GREB1L: variants seen among roughly 807,000 people sequenced by gnomAD.
GREB1L encodes the protein GREB1-like protein.
A neutral mutation model predicts 200.8 loss-of-function variants in GREB1L; 17 were observed. The ratio of observed to expected loss-of-function variants is 0.08; its 90% CI spans 0.06 to 0.13. The LOEUF is 0.13. GREB1L is among the 10% of genes least tolerant of loss of function. The pLI is 1.00. For missense variants in GREB1L, 1,657 were observed against 2,367.7 expected (o/e 0.70, Z 6.23); for synonymous variants, 789 against 893.0 (o/e 0.88, Z 2.08).
chr18:21,454,242 G>A (rs1192233646), intron 14 of GREB1L, 124 bp from the exon 15 acceptor site: 3 of 664,220 alleles, frequency 4.5e-6, no homozygotes, highest in African/African-American at 3.6e-5. Flanking sequence ...CAAATAGCAG[G>A]TGAGAATTCG....
At chr18:21,489,735 G>C (rs971644534) in intron 18 of GREB1L, among the ~76,000 whole-genome samples, 1 of 152,190 alleles carries the variant, frequency 6.6e-6, no homozygotes, top group African/African-American at 2.4e-5. Flanking sequence ...GCTGCTGCTG[G>C]TGGTCTGTAG....
chr18:21,292,510 C>T (rs1004589747), intron 1 of GREB1L, among the ~76,000 whole-genome samples: 1 of 152,190 alleles, frequency 6.6e-6, no homozygotes, highest in Non-Finnish European at 1.5e-5. Context: ...CGTTAGCTAT[C>T]GCTTCTCACT....
chr18:21,420,816 A>G (rs763413301), intron 7 of GREB1L, among the ~76,000 whole-genome samples: 1 of 152,242 alleles, frequency 6.6e-6, no homozygotes, highest in Non-Finnish European at 1.5e-5. Context: ...AATAAAATCC[A>G]TACAAACACT....
At chr18:21,403,619 C>T (rs1411800758) in intron 6 of GREB1L, among the ~76,000 whole-genome samples, 1 of 152,134 alleles carries the variant, frequency 6.6e-6, no homozygotes, top group Non-Finnish European at 1.5e-5. Context: ...AGTATTTTTC[C>T]TCTGGGAACT....
intron 1 of GREB1L, among the ~76,000 whole-genome samples, chr18:21,333,965 G>A (rs1208668476): frequency 3.3e-5 from 5 of 151,004 alleles, no homozygotes; most frequent in Admixed American, 1.3e-4. Context: ...CTTGGTGACC[G>A]ACTGACGAAG....
intron 31 of GREB1L, among the ~76,000 whole-genome samples, chr18:21,520,072 G>C (rs993189560): frequency 1.3e-5 from 2 of 152,042 alleles, no homozygotes; most frequent in African/African-American, 4.8e-5. Flanking sequence ...GAGTAGCTGG[G>C]ATTACAGGTG....
chr18:21,349,675 G>A (rs756341725), intron 1 of GREB1L, among the ~76,000 whole-genome samples: 9 of 151,870 alleles, frequency 5.9e-5, no homozygotes, highest in African/African-American at 1.2e-4. Context: ...GATCTAGGTC[G>A]CATGCTCCTT....
chr18:21,347,284 A>G (rs528655038), intron 1 of GREB1L, among the ~76,000 whole-genome samples: 29 of 151,808 alleles, frequency 1.9e-4, no homozygotes, highest in African/African-American at 7.0e-4. Context: ...GTCTCAAAAA[A>G]AAAAAACAAA....
At chr18:21,470,911 C>T (rs1265410264) in intron 15 of GREB1L, among the ~76,000 whole-genome samples, 3 of 151,990 alleles carry the variant, frequency 2.0e-5, no homozygotes, top group African/African-American at 4.8e-5. Flanking sequence ...AAAATAAAAG[C>T]AAGTCTATAA....
intron 1 of GREB1L, among the ~76,000 whole-genome samples, chr18:21,279,045 T>A (rs572993083): frequency 7.9e-5 from 12 of 152,176 alleles, no homozygotes; most frequent in African/African-American, 2.4e-4. Context: ...AGTAAAAAAA[T>A]CATTAAGACA....
In GREB1L at chr18:21,400,058, G is replaced by A. The variant is rs574387440; in HGVS notation, c.533-1092G>A. 1.2e-4 allele frequency among the ~76,000 whole-genome samples: 18 copies of A among 151,488 alleles called. No individual in the cohort carries two copies. In the South Asian group the frequency reaches 1.5e-3, roughly 12 times the overall value. ...ACATATAGAAATATTGCCTTTATAC[G>A]ATATGGAATGCCCTTTCTTATTACA... is the stretch of plus-strand genomic sequence containing the variant. On this transcript the variant is annotated intron_variant, in intron 5 of 32. Transcript: ENST00000424526.
At chr18:21,309,193 C>CT (rs1405214796) in intron 1 of GREB1L, among the ~76,000 whole-genome samples, 1 of 152,234 alleles carries the variant, frequency 6.6e-6, no homozygotes, top group African/African-American at 2.4e-5. Flanking sequence ...ACTCTTAAGG[C>CT]TGTTGGCCAC....
intron 1 of GREB1L, among the ~76,000 whole-genome samples, chr18:21,328,951 G>A (rs2039065540): frequency 6.6e-6 from 1 of 152,158 alleles, no homozygotes; most frequent in African/African-American, 2.4e-5. Flanking sequence ...ACACACCCTT[G>A]AAATGTGGGG....
chr18:21,362,659 A>G (rs2039597306), intron 1 of GREB1L, among the ~76,000 whole-genome samples: 1 of 152,202 alleles, frequency 6.6e-6, no homozygotes, highest in Admixed American at 6.5e-5. Context: ...AATCTCCATA[A>G]TTGGCATTGA....
intron 7 of GREB1L, among the ~76,000 whole-genome samples, chr18:21,409,075 A>T (rs1041060211): frequency 4.6e-5 from 7 of 152,204 alleles, no homozygotes; most frequent in East Asian, 1.9e-4. Context: ...TTGCATGCAG[A>T]TGTTCATAGC....
intron 1 of GREB1L, among the ~76,000 whole-genome samples, chr18:21,295,170 G>C (rs1192059113): frequency 1.3e-5 from 2 of 152,132 alleles, no homozygotes; most frequent in African/African-American, 4.8e-5. Flanking sequence ...ATCCTAAAAT[G>C]GGGTGGTTAG....
At chr18:21,337,204 T>C (rs572661744) in intron 1 of GREB1L, among the ~76,000 whole-genome samples, 1 of 152,356 alleles carries the variant, frequency 6.6e-6, no homozygotes, top group South Asian at 2.1e-4. Context: ...GAATCCCTTT[T>C]TCTTCAGATC....
At position 21,520,754 on chromosome 18, in the gene GREB1L, A is replaced by G. The variant is rs2037577994; in HGVS notation, c.5539A>G (p.Ser1847Gly). The change falls in exon 32 of 33, where the codon AGT (serine) becomes GGT (glycine). Residue 1847 changes from serine to glycine, a missense_variant. By Grantham distance (56) the Ser-to-Gly change is moderately conservative. Transcript: ENST00000424526. ...SNVNCEGVFF[S>G]GLLLYLCDSF... is the part of the protein sequence containing the mutation. Reference sequence around the variant, plus strand: ...TGTCAACTGTGAAGGGGTGTTTTTCAGTGGACTCCTTTTGTACCTCTGTGA... The same window carrying G: ...TGTCAACTGTGAAGGGGTGTTTTTCGGTGGACTCCTTTTGTACCTCTGTGA... 6.5e-7 allele frequency: 1 copy of G among 1,549,152 alleles called. No individual in the cohort carries two copies. Among genetic ancestry groups the G allele is most frequent in the South Asian group, 1.2e-5 (1 of 83,900 alleles).
chr18:21,403,763 C>T (rs533589137), intron 6 of GREB1L, 109 bp from the exon 7 acceptor site: 17 of 864,956 alleles, frequency 2.0e-5, no homozygotes, highest in African/African-American at 1.7e-4. Context: ...AAGTGGCTGC[C>T]GCTTAAGGAG....
Sources: allele counts gnomAD v4.1 joint callset (sites outside exome capture counted in the v4.1 genomes callset), GRCh38; gene constraint gnomAD v4.1.1; transcripts MANE v1.5; gene names NCBI Gene and HGNC (gene_info 2026-07-23, HGNC 2026-07-21).